ZNF185: variants seen among roughly 807,000 people sequenced by gnomAD.
The protein encoded by ZNF185 is zinc finger protein 185.
ZNF185 carries 56 observed loss-of-function variants against 58.6 expected under a neutral mutation model. The observed-to-expected ratio is 0.95, with a 90% confidence interval of 0.77 to 1.19. ZNF185 has a LOEUF of 1.19. Among genes scored for constraint, ZNF185 ranks in the 50% most tolerant of loss-of-function variants. ZNF185 has a pLI of 0.00. For missense variants in ZNF185, 627 were observed against 573.5 expected, an observed-to-expected ratio of 1.09 and a Z score of -0.95; for synonymous variants, 230 against 215.9, an observed-to-expected ratio of 1.07 and a Z score of -0.57.
intron 14 of ZNF185, among the ~76,000 whole-genome samples, chrX:152,933,649 T>A (rs1295083881): frequency 8.9e-6 from 1 of 112,417 alleles, no homozygotes; most frequent in Non-Finnish European, 1.9e-5. Context: ...GATGTTGGCA[T>A]AAATAGTTTA....
chrX:152,937,995 A>C (rs2046549636), intron 14 of ZNF185, 79 bp from the exon 17 acceptor site: 2 of 972,880 alleles, frequency 2.1e-6, no homozygotes, highest in Non-Finnish European at 2.8e-6. Context: ...TCTGGTGAGA[A>C]GGCAGCCTGG....
chrX:152,932,597 C>G (rs190505325), intron 13 of ZNF185, among the ~76,000 whole-genome samples: 1 of 112,161 alleles, frequency 8.9e-6, no homozygotes, highest in African/African-American at 3.2e-5. Context: ...ACATGTCTTG[C>G]CCCTTGCTCT....
At chrX:152,938,270 G>T in intron 15 of ZNF185, 107 bp downstream of exon 17, 1 of 790,116 alleles carries the variant, frequency 1.3e-6, no homozygotes, top group Non-Finnish European at 1.8e-6. Context: ...AGGTTTGTGA[G>T]CTGGCCTGAG....
chrX:152,928,597 C>T lies in ZNF185; in HGVS notation c.853C>T (p.Arg285Cys), dbSNP rs782551067. 11 of 1,210,624 alleles carry T rather than the reference C, an allele frequency of 9.1e-6. No homozygotes were observed. The highest frequency in any genetic ancestry group is 8.9e-5 in the East Asian group (3 of 33,771). Residue 285 changes from arginine to cysteine, a missense_variant, in exon 12 of 23, where the codon CGC (arginine) becomes TGC (cysteine). Transcript: ENST00000449285. The stretch of plus-strand genomic sequence containing the variant: ...CAGCTCAAGAGGTGAGGAAATTGTC[C>T]GCCTGCAGATCCTGACACCCAGGGC...
At chrX:152,967,343 T>A (rs782473349) in intron 20 of ZNF185, 105 bp downstream of exon 22, 53 of 803,796 alleles carry the variant, frequency 6.6e-5, no homozygotes, top group Non-Finnish European at 9.5e-5. Flanking sequence ...CTTTGCAGCC[T>A]CCAATCCATT....
intron 20 of ZNF185, among the ~76,000 whole-genome samples, chrX:152,969,100 A>G (rs782215358): frequency 2.2e-4 from 25 of 112,247 alleles, no homozygotes; most frequent in African/African-American, 7.8e-4. Flanking sequence ...GGGGGAGGCA[A>G]ACTGTCTGGA....
chrX:152,931,887 C>A, intron 13 of ZNF185, 111 bp downstream of exon 14: 1 of 607,169 alleles, frequency 1.6e-6, no homozygotes, highest in Non-Finnish European at 2.5e-6. Flanking sequence ...GCAGCTGGGG[C>A]CAGGAAGGTC....
chrX:152,933,471 C>T (rs191958448), intron 14 of ZNF185, among the ~76,000 whole-genome samples: 95 of 112,033 alleles, frequency 8.5e-4, no homozygotes, highest in African/African-American at 2.0e-3. Flanking sequence ...AGAGGAAAAG[C>T]GGTAGCCCTG....
intron 8 of ZNF185, 41 bp downstream of exon 9, chrX:152,920,452 T>G: frequency 1.7e-6 from 2 of 1,165,811 alleles, no homozygotes; most frequent in African/African-American, 1.8e-5. Flanking sequence ...AGGACAGCTC[T>G]CCTCTCCTCA....
intron 14 of ZNF185, among the ~76,000 whole-genome samples, chrX:152,935,516 G>A (rs967805013): frequency 5.3e-5 from 6 of 112,543 alleles, no homozygotes; most frequent in Non-Finnish European, 9.4e-5. Context: ...GATTACAGGC[G>A]TGAGCCATCG....
intron 19 of ZNF185, among the ~76,000 whole-genome samples, chrX:152,966,693 G>A (rs1556914902): frequency 8.9e-6 from 1 of 111,740 alleles, no homozygotes; most frequent in African/African-American, 3.3e-5. Flanking sequence ...TACATTCACA[G>A]AGTTATGCAA....
At chrX:152,972,531 A>T (rs1364368037) in exon 23 of ZNF185, 3 of 110,578 alleles carry the variant, frequency 2.7e-5, no homozygotes, top group Non-Finnish European at 5.7e-5. Flanking sequence ...CCAAACTGAG[A>T]TGCTTTCAGC....
chrX:152,941,569 AGCGTACGCGAC>A, intron 15 of ZNF185: 1 of 1,003,940 alleles, frequency 1.0e-6, no homozygotes, highest in Non-Finnish European at 1.3e-6. Flanking sequence ...GCTCGCCACC[AGCGTACGCGAC>A]GCGTGCGCGC....
chrX:152,904,717 C>T, the ZNF185 span, among the ~76,000 whole-genome samples: 2 of 111,830 alleles, frequency 1.8e-5, no homozygotes, highest in African/African-American at 6.5e-5. Context: ...CTTGCACTTC[C>T]CATGGCAGCC....
At chrX:152,931,547 T>C (rs1006759888) in intron 12 of ZNF185, 125 bp from the exon 14 acceptor site, 1 of 537,728 alleles carries the variant, frequency 1.9e-6, no homozygotes, top group Non-Finnish European at 2.9e-6. Flanking sequence ...CGTGAGCCAC[T>C]GCACCCGGCC....
chrX:152,914,947 C>T (rs1251844623), intron 2 of ZNF185, 114 bp downstream of exon 3: 1 of 1,037,312 alleles, frequency 9.6e-7, no homozygotes, highest in Non-Finnish European at 1.3e-6. Context: ...TCCGCCAGGC[C>T]ATGTGGAGGG....
At chrX:152,917,677 G>A (rs1356463374) in intron 5 of ZNF185, among the ~76,000 whole-genome samples, 1 of 112,329 alleles carries the variant, frequency 8.9e-6, no homozygotes, top group Non-Finnish European at 1.9e-5. Flanking sequence ...GGGAGGGGCT[G>A]GGTGTAGAGT....
At chrX:152,920,516 G>A in intron 8 of ZNF185, 105 bp downstream of exon 9, 2 of 962,876 alleles carry the variant, frequency 2.1e-6, no homozygotes, top group Middle Eastern at 5.6e-4. Context: ...TCACCCCCAA[G>A]GGCCTTCCTA....
chrX:152,941,923 C>CG, intron 15 of ZNF185: 1 of 1,028,064 alleles, frequency 9.7e-7, no homozygotes. Context: ...AGGGGCCGAA[C>CG]GGGGCCCCTG....
Sources: gnomAD v4.1 joint callset for allele counts (sites outside exome capture counted in the v4.1 genomes callset) on GRCh38, gnomAD v4.1.1 for gene constraint, MANE v1.5 for transcripts, NCBI Gene and HGNC (gene_info 2026-07-23, HGNC 2026-07-21) for gene names.